CLCN7: variants seen among roughly 807,000 people sequenced by gnomAD.
The protein encoded by CLCN7 is H(+)/Cl(-) exchange transporter 7.
In CLCN7, 60 loss-of-function variants were observed where a neutral mutation model predicts 102.1. The observed-to-expected ratio is 0.59, with a 90% CI of 0.48 to 0.73. CLCN7 has a LOEUF of 0.73. Among genes scored for constraint, CLCN7 ranks in the 30% least tolerant of loss-of-function variants. The pLI, the probability that CLCN7 is intolerant of heterozygous loss-of-function variation, is 0.00. For missense variants in CLCN7, 962 were observed against 1,125.7 expected (o/e 0.85, Z 2.08); for synonymous variants, 560 against 490.5 (o/e 1.14, Z -1.87).
intron 12 of CLCN7, 81 bp from the exon 13 acceptor site, chr16:1,454,546 T>A: frequency 1.5e-6 from 2 of 1,340,646 alleles, no homozygotes; most frequent in Non-Finnish European, 2.1e-6. Context: ...AGGACCACCA[T>A]CTTAAGAGAG....
chr16:1,446,907 G>A (rs1003571801), intron 24 of CLCN7, 99 bp downstream of exon 24: 13 of 1,242,374 alleles, frequency 1.0e-5, no homozygotes, highest in African/African-American at 3.0e-5. Context: ...GCTGGGTCCT[G>A]TGCTTCCGTG....
In CLCN7 at chr16:1,456,152, C is replaced by A. The variant is rs1331861099; in HGVS notation, c.877G>T (p.Ala293Ser). The A allele has an allele frequency of 6.4e-7, 1 of 1,565,730 alleles. No individual in the cohort carries two copies. The highest frequency in any genetic ancestry group is 1.9e-5 in the Admixed American group (1 of 53,972). The stretch of plus-strand genomic sequence containing the variant: ...AACGCCGCTGACACTCCGGCCGCAG[C>A]CCCTGCGGAGACGAAGTCCCGCTTC... The part of the protein sequence containing the change: ...TEKRDFVSAG[A>S]AAGVSAAFGA... The change falls in exon 10 of 25, where the codon GCT becomes TCT. Residue 293 changes from alanine (A) to serine (S), a missense_variant. Around this residue, in one of 2 missense-constraint regions of CLCN7, gnomAD observed 799 missense variants for 988.0 expected, o/e 0.81. Coordinates refer to ENST00000382745, the MANE Select transcript of CLCN7 (RefSeq NM_001287.6).
chr16:1,462,665 C>CAAAAAAA (rs67969666), intron 2 of CLCN7, among the ~76,000 whole-genome samples: 587 of 35,836 alleles, frequency 0.016, 12 homozygotes, highest in African/African-American at 0.045. Flanking sequence ...AAAAAAAAGC[C>CAAAAAAA]AAAAAAAAAA....
chr16:1,445,071 C>T lies in CLCN7; in HGVS notation c.*1560G>A, dbSNP rs2142361107. 1 of 152,414 alleles carries T rather than the reference C, an allele frequency of 6.6e-6. No individual in the cohort carries two copies. Among genetic ancestry groups the T allele is most frequent in the Middle Eastern group, 3.4e-3 (1 of 294 alleles). The allele number at this position is 152,414 out of a possible 1,614,324, so 9.4% of individuals were successfully genotyped here. ...GACTCTGAGGCCCGGGAGTTTTCTT[C>T]TTGCGTCACCCCAGCGTGGGCACCC... On this transcript the variant is annotated 3_prime_UTR_variant, in exon 25 of 25. Transcript: ENST00000382745.
rs185436943 is a variant in CLCN7 at position 1,456,815 on chromosome 16, T to C, written c.822+439A>G. Among the ~76,000 whole-genome samples the C allele has an allele frequency of 2.4e-3, 355 of 147,166 alleles. 4 individuals carry two copies. The highest frequency in any genetic ancestry group is 0.021 in the Admixed American group (300 of 14,530). On this transcript the variant is annotated intron_variant, in intron 9 of 24. Transcript: ENST00000382745. ...GAGATTGTACCACTGCACTCCAGCC[T>C]GGGCAACAGAGAGACTCCATCTCAA...
intron 5 of CLCN7, 115 bp from the exon 6 acceptor site, chr16:1,460,642 T>C (rs2038920285): frequency 1.6e-6 from 2 of 1,259,908 alleles, no homozygotes; most frequent in East Asian, 4.8e-5. Flanking sequence ...GGAGCCATGA[T>C]GTTCACTGGA....
In CLCN7 at chr16:1,475,010, G is replaced by T; in HGVS notation, c.-36C>A. 1.4e-6 allele frequency: 2 copies of T among 1,419,916 alleles called. No homozygotes were observed. Among genetic ancestry groups the T allele is most frequent in the South Asian group, 1.4e-5 (1 of 70,098 alleles). 88.0% of individuals were successfully genotyped at this position (1,419,916 alleles called of 1,614,324 possible). The stretch of plus-strand genomic sequence containing the variant: ...GGAGCGACACCGGCCGGGAAGCGCC[G>T]GCTGCCCCCGTGTTTGTTCTCGTGA... On this transcript the variant is annotated 5_prime_UTR_variant, in exon 1 of 25. Coordinates refer to ENST00000382745, the MANE Select transcript of CLCN7 (RefSeq NM_001287.6).
At chr16:1,473,994 G>A (rs910224388) in intron 1 of CLCN7, among the ~76,000 whole-genome samples, 1 of 151,964 alleles carries the variant, frequency 6.6e-6, no homozygotes, top group African/African-American at 2.4e-5. Flanking sequence ...TGAGGCAGGA[G>A]AGTCACTTAA....
At chr16:1,452,025 G>A (rs934522307) in intron 15 of CLCN7, 13 of 392,162 alleles carry the variant, frequency 3.3e-5, no homozygotes, top group Non-Finnish European at 5.9e-5. Flanking sequence ...TGGTGCCGGG[G>A]AAGGTGGGCC....
In CLCN7 at chr16:1,453,463, C is replaced by G. The variant is rs556897859; in HGVS notation, c.1214+371G>C. ...GTACCCGACAGTATTGAAATCAGCA[C>G]AGACCAAGAAGGAAGAAGCCGGGGG... is the stretch of plus-strand genomic sequence containing the variant. On this transcript the variant is annotated intron_variant, in intron 14 of 24. Transcript: ENST00000382745. Among the ~76,000 whole-genome samples, 16 of 152,340 alleles carry G rather than the reference C, an allele frequency of 1.1e-4. 1 individual carries two copies. In the South Asian group the frequency reaches 2.5e-3, roughly 24 times the overall value.
rs2038928982 is a variant in CLCN7, at chr16:1,461,089, A to C, written c.352-141T>G. The C allele has an allele frequency of 2.5e-6, 3 of 1,188,086 alleles. No individual in the cohort carries two copies. In the South Asian group the frequency reaches 4.5e-5, roughly 18 times the overall value. 73.6% of individuals were successfully genotyped at this position (1,188,086 alleles called of 1,614,324 possible). A position where few individuals can be genotyped will look rare whatever the true frequency, so the allele number is the denominator to read the frequency against. ...CGGTGCGCTGAGTCCCACAAAGGAC[A>C]GTTTCTGGCCAACATCTGAGGCGCA... On this transcript the variant is annotated intron_variant, in intron 4 of 24. Coordinates refer to ENST00000382745, the MANE Select transcript of CLCN7 (RefSeq NM_001287.6).
chr16:1,461,506 C>T (rs201883644), intron 3 of CLCN7, 36 bp from the exon 4 acceptor site: 12 of 1,598,948 alleles, frequency 7.5e-6, no homozygotes, highest in Middle Eastern at 1.8e-4. Flanking sequence ...CACTCAGCAC[C>T]GAACCCACGC....
At chr16:1,454,022 T>A (rs1413175118) in intron 13 of CLCN7, 128 bp from the exon 14 acceptor site, 2 of 839,922 alleles carry the variant, frequency 2.4e-6, no homozygotes, top group East Asian at 2.6e-5. Context: ...GGCTAGGGGG[T>A]CCTGGTAAGA....
intron 16 of CLCN7, among the ~76,000 whole-genome samples, 167 bp downstream of exon 16, chr16:1,451,456 G>C (rs2038749033): frequency 6.6e-6 from 1 of 152,138 alleles, no homozygotes; most frequent in African/African-American, 2.4e-5. Flanking sequence ...CTCCTGCCTT[G>C]GTCTCTCCAA....
intron 22 of CLCN7, 22 bp from the exon 23 acceptor site, chr16:1,447,590 G>A: frequency 6.4e-7 from 1 of 1,552,924 alleles, no homozygotes; most frequent in East Asian, 2.4e-5. Context: ...AGAGCCCTGT[G>A]TCAGGCACCC....
intron 2 of CLCN7, 113 bp from the exon 3 acceptor site, chr16:1,461,787 C>G: frequency 1.1e-6 from 1 of 928,648 alleles, no homozygotes; most frequent in Non-Finnish European, 1.7e-6. Context: ...GACAAGGACA[C>G]AGCAAGAGAA....
Position 1,459,186 on chromosome 16 carries a change from G to A in CLCN7, c.596C>T (p.Pro199Leu), listed in dbSNP as rs748807833. Reference protein sequence around the residue: ...VGSVIVAFIEPVAAGSGIPQI... With the variant: ...VGSVIVAFIELVAAGSGIPQI... ...GGGGATTCCGCTGCCAGCAGCCACC[G>A]GCTGAAAGAGGGGAAGCACGGCTGA... is the stretch of plus-strand genomic sequence containing the variant. The change falls in exon 7 of 25, where the codon CCG becomes CTG. Residue 199 changes from proline (P) to leucine (L), a missense_variant and splice_region_variant. Coordinates refer to ENST00000382745, the MANE Select transcript of CLCN7 (RefSeq NM_001287.6). 9.9e-6 allele frequency: 16 copies of A among 1,613,036 alleles called. No individual in the cohort carries two copies. Among genetic ancestry groups the A allele is most frequent in the South Asian group, 3.3e-5 (3 of 91,042 alleles).
At chr16:1,461,296 G>A in intron 4 of CLCN7, 109 bp downstream of exon 4, 1 of 957,708 alleles carries the variant, frequency 1.0e-6, no homozygotes, top group Middle Eastern at 3.1e-4. Context: ...CGGAGTCAGA[G>A]GAGGAGGGAG....
intron 4 of CLCN7, 50 bp downstream of exon 4, chr16:1,461,355 G>A (rs1567272624): frequency 2.0e-6 from 3 of 1,492,870 alleles, no homozygotes; most frequent in Non-Finnish European, 2.7e-6. Flanking sequence ...GGCCCGGCCG[G>A]CACCAGGCCC....
Sources: allele counts gnomAD v4.1 joint callset (sites outside exome capture counted in the v4.1 genomes callset), GRCh38; gene constraint gnomAD v4.1.1; regional missense constraint gnomAD v4.1.1; transcripts MANE v1.5; gene names NCBI Gene and HGNC (gene_info 2026-07-23, HGNC 2026-07-21).